The following CAPS2 variants were observed in gnomAD, a reference collection of about 807,000 sequenced individuals.
The protein encoded by CAPS2 is calcyphosine 2, also known as calcyphosin-2.
Under a neutral mutation model 86.5 loss-of-function variants are expected in CAPS2, and 98 were observed. That is an observed-to-expected ratio of 1.13 (90% CI 0.96 to 1.34). The LOEUF is 1.34. Among genes scored for constraint, CAPS2 ranks in the 40% most tolerant of loss-of-function variants. The probability of loss-of-function intolerance (pLI) is 0.00; values close to 1 mark genes in which losing one functional copy is unlikely to be tolerated. For synonymous variants in CAPS2, 210 were observed against 225.1 expected (o/e 0.93, Z 0.60); for missense variants, 729 against 686.8 (o/e 1.06, Z -0.69).
intron 1 of CAPS2, chr12:75,363,200 AATAT>A (rs770296230): frequency 1.6e-6 from 2 of 1,225,070 alleles, no homozygotes; most frequent in Non-Finnish European, 2.2e-6. Flanking sequence ...AGTAAGCAAA[AATAT>A]ATATATATAA....
intron 1 of CAPS2, chr12:75,347,766 T>C (rs184578946): frequency 7.6e-7 from 1 of 1,308,310 alleles, no homozygotes; most frequent in African/African-American, 1.5e-5. Flanking sequence ...AAATTAATGT[T>C]GATGATGGTT....
Position 75,323,244 on chromosome 12 carries a change from TC to T in CAPS2, c.132-23del, listed in dbSNP as rs1314790451. On this transcript the variant is annotated intron_variant, in intron 2 of 16. Transcript: ENST00000393284. The stretch of plus-strand genomic sequence containing the variant: ...GACCCTGAAAGACATAATCTATGTA[TC>T]CCGTAACTTTTTAACATGAAACTTT... 3.3e-6 allele frequency: 5 copies of T among 1,530,976 alleles called. No homozygotes were observed. The Admixed American group carries it at 8.1e-5, about 25-fold the overall frequency. 94.8% of individuals were successfully genotyped at this position (1,530,976 alleles called of 1,614,324 possible).
chr12:75,376,107 T>C (rs913796371), intron 1 of CAPS2, among the ~76,000 whole-genome samples: 1 of 152,188 alleles, frequency 6.6e-6, no homozygotes. Context: ...TTCGTCTACA[T>C]TAAACCAAGG....
Position 75,365,828 on chromosome 12 carries a change from AT to A in CAPS2, c.-395+25009del, listed in dbSNP as rs372387946. On this transcript the variant is annotated intron_variant, in intron 1 of 5. Coordinates refer to the CAPS2 transcript ENST00000551829. ...TAAACTTAAGGCTAACTATATGAGT[AT>A]TTTACCAATAATTCAGTATGTAGCT... 5.5e-4 allele frequency among the ~76,000 whole-genome samples: 84 copies of A among 152,248 alleles called. No homozygotes were observed. The East Asian group carries it at 0.012, about 21-fold the overall frequency.
intron 7 of CAPS2, chr12:75,305,562 A>AGAGCC (rs2038360021): frequency 1.6e-6 from 1 of 629,018 alleles, no homozygotes; most frequent in Admixed American, 1.9e-5. Context: ...CGACCCTGGC[A>AGAGCC]GAGCCGCAGA....
intron 1 of CAPS2, among the ~76,000 whole-genome samples, chr12:75,389,521 A>G (rs1206462014): frequency 6.6e-6 from 1 of 152,188 alleles, no homozygotes; most frequent in African/African-American, 2.4e-5. Flanking sequence ...GCATTATTCT[A>G]TTTATACTTT....
At chr12:75,302,876 C>T (rs1191211488) in intron 8 of CAPS2, among the ~76,000 whole-genome samples, 2 of 152,174 alleles carry the variant, frequency 1.3e-5, no homozygotes, top group Admixed American at 1.3e-4. Flanking sequence ...CAATACCAAG[C>T]TCTGGCAAAG....
chr12:75,329,078 A>G (rs2041055174), upstream of CAPS2, among the ~76,000 whole-genome samples: 1 of 152,210 alleles, frequency 6.6e-6, no homozygotes, highest in Non-Finnish European at 1.5e-5. Flanking sequence ...ACTTCGCTAA[A>G]TGTTTGCCAG....
intron 14 of CAPS2, among the ~76,000 whole-genome samples, chr12:75,287,892 G>GA (rs1308282878): frequency 6.6e-6 from 1 of 152,094 alleles, no homozygotes; most frequent in Non-Finnish European, 1.5e-5. Context: ...TGTGTTGGGG[G>GA]AAGGGGTTGT....
At chr12:75,363,587 T>C (rs2043764605) in intron 1 of CAPS2, among the ~76,000 whole-genome samples, 1 of 152,202 alleles carries the variant, frequency 6.6e-6, no homozygotes, top group Non-Finnish European at 1.5e-5. Context: ...ACTAACATGT[T>C]TCTCTTTCAT....
chr12:75,369,689 T>A, intron 1 of CAPS2: 5 of 983,794 alleles, frequency 5.1e-6, no homozygotes, highest in Non-Finnish European at 6.0e-6. Flanking sequence ...AAAATAAAGT[T>A]AACTACTTTA....
chr12:75,281,261 T>C (rs192170306), intron 16 of CAPS2, among the ~76,000 whole-genome samples: 1 of 151,840 alleles, frequency 6.6e-6, no homozygotes, highest in Non-Finnish European at 1.5e-5. Context: ...ATTCTAGGTA[T>C]TAATATCACT....
intron 1 of CAPS2, among the ~76,000 whole-genome samples, chr12:75,376,409 G>A (rs189551227): frequency 6.6e-6 from 1 of 152,098 alleles, no homozygotes; most frequent in Admixed American, 6.5e-5. Context: ...CTTCTTCATG[G>A]GTCACACCCT....
chr12:75,308,633 G>A (rs1305054932), intron 7 of CAPS2, among the ~76,000 whole-genome samples: 1 of 152,082 alleles, frequency 6.6e-6, no homozygotes, highest in African/African-American at 2.4e-5. Context: ...AAGAATGACA[G>A]GTTATCCTCA....
chr12:75,384,001 T>C (rs867916597), intron 1 of CAPS2, among the ~76,000 whole-genome samples: 1 of 151,988 alleles, frequency 6.6e-6, no homozygotes, highest in African/African-American at 2.4e-5. Context: ...TTGGCAAAAT[T>C]TGTGGGATGC....
intron 1 of CAPS2, among the ~76,000 whole-genome samples, chr12:75,354,419 TA>T (rs369074342): frequency 1.5e-4 from 23 of 149,756 alleles, no homozygotes; most frequent in African/African-American, 3.9e-4. Context: ...GGAATACAGC[TA>T]AAAAAAAAGT....
intron 1 of CAPS2, chr12:75,360,512 G>T (rs771627358): frequency 1.3e-5 from 2 of 152,146 alleles, no homozygotes; most frequent in African/African-American, 4.8e-5. Flanking sequence ...AAATCCAGTG[G>T]GGCAGTCATT....
intron 1 of CAPS2, among the ~76,000 whole-genome samples, chr12:75,383,100 A>C (rs548372803): frequency 6.6e-6 from 1 of 152,358 alleles, no homozygotes; most frequent in African/African-American, 2.4e-5. Flanking sequence ...ATTTCATGAA[A>C]CTATGATTAA....
At chr12:75,294,315 A>G (rs1382178039) in intron 11 of CAPS2, among the ~76,000 whole-genome samples, 3 of 152,050 alleles carry the variant, frequency 2.0e-5, no homozygotes, top group African/African-American at 7.2e-5. Flanking sequence ...CCTCCCCTCC[A>G]TTTTCTCAGC....
Sources: allele counts gnomAD v4.1 joint callset (sites outside exome capture counted in the v4.1 genomes callset), GRCh38; gene constraint gnomAD v4.1.1; transcripts MANE v1.5; gene names NCBI Gene and HGNC (gene_info 2026-07-23, HGNC 2026-07-21).